B4GALNT3: variants seen among roughly 807,000 people sequenced by gnomAD.
B4GALNT3 encodes beta-1,4-N-acetyl-galactosaminyltransferase 3.
In B4GALNT3, 86 loss-of-function variants were observed where a neutral mutation model predicts 120.2. That is an observed-to-expected ratio of 0.72 (90% CI 0.60 to 0.86). B4GALNT3 has a LOEUF of 0.86. B4GALNT3 is among the 40% of genes least tolerant of loss of function. The pLI, the probability that B4GALNT3 is intolerant of heterozygous loss-of-function variation, is 0.00. For synonymous variants in B4GALNT3, 518 were observed against 510.4 expected, an observed-to-expected ratio of 1.01 and a Z score of -0.20; for missense variants, 1,167 against 1,298.9, an observed-to-expected ratio of 0.90 and a Z score of 1.56.
intron 1 of B4GALNT3, among the ~76,000 whole-genome samples, chr12:469,275 C>T (rs1946111981): frequency 6.6e-6 from 1 of 152,106 alleles, no homozygotes; most frequent in South Asian, 2.1e-4. Context: ...GGTAGTGGAG[C>T]TATAATGCTG....
intron 13 of B4GALNT3, 132 bp from the exon 14 acceptor site, chr12:553,062 G>A (rs980372135): frequency 1.2e-5 from 16 of 1,334,074 alleles, no homozygotes; most frequent in Non-Finnish European, 1.5e-5. Flanking sequence ...CACAGTAAGC[G>A]ATAGAACCTG....
intron 1 of B4GALNT3, among the ~76,000 whole-genome samples, chr12:467,587 A>AT (rs1946094050): frequency 6.6e-6 from 1 of 152,204 alleles, no homozygotes; most frequent in African/African-American, 2.4e-5. Context: ...TAAAATAGGG[A>AT]TAAAAATAAT....
At chr12:474,014 C>T (rs1946160943) in intron 1 of B4GALNT3, among the ~76,000 whole-genome samples, 1 of 152,070 alleles carries the variant, frequency 6.6e-6, no homozygotes. Context: ...ATTACAAAGA[C>T]CTCAGGAATT....
chr12:486,826 C>T (rs1946295264), intron 1 of B4GALNT3, among the ~76,000 whole-genome samples: 1 of 152,266 alleles, frequency 6.6e-6, no homozygotes, highest in Non-Finnish European at 1.5e-5. Context: ...AGGGAAAAAA[C>T]ACATTTTGAA....
intron 1 of B4GALNT3, among the ~76,000 whole-genome samples, chr12:518,904 T>C (rs1946682010): frequency 6.6e-6 from 1 of 152,234 alleles, no homozygotes; most frequent in Non-Finnish European, 1.5e-5. Context: ...CTGCGGGACC[T>C]GTGTATACCA....
chr12:555,909 G>A (rs916827479), intron 14 of B4GALNT3, among the ~76,000 whole-genome samples: 1 of 151,834 alleles, frequency 6.6e-6, no homozygotes, highest in African/African-American at 2.4e-5. Flanking sequence ...TCAGCCTCCT[G>A]AGTAGCTGGA....
chr12:485,948 G>A (rs1297681628), intron 1 of B4GALNT3, among the ~76,000 whole-genome samples: 1 of 152,166 alleles, frequency 6.6e-6, no homozygotes, highest in Admixed American at 6.5e-5. Context: ...ACTTACCAAA[G>A]CAGAAATCCA....
In B4GALNT3 at chr12:553,576, C is replaced by A; in HGVS notation, c.1653C>A (p.Pro551=). 1 of 1,613,972 alleles carries A rather than the reference C, an allele frequency of 6.2e-7. No homozygotes were observed. The highest frequency in any genetic ancestry group is 1.3e-5 in the African/African-American group (1 of 75,078). Residue 551 remains proline (P), a synonymous_variant, in exon 14 of 20, where the codon CCC becomes CCA. Transcript: ENST00000266383. The stretch of plus-strand genomic sequence containing the variant: ...AGATGAGGGGGCCCAGGCCCAGGCC[C>A]GCTGGTGACAGCCCCAGGAAGACTC... The part of the protein sequence containing the change: ...LPQMRGPRPR[P]AGDSPRKTQW...
chr12:514,252 C>T (rs1310426495), intron 1 of B4GALNT3, among the ~76,000 whole-genome samples: 1 of 146,704 alleles, frequency 6.8e-6, no homozygotes, highest in African/African-American at 2.5e-5. Context: ...GGCTGGAGTG[C>T]AGTGGCGCGA....
chr12:461,424 A>C (rs1565584502), intron 1 of B4GALNT3, among the ~76,000 whole-genome samples: 1 of 151,444 alleles, frequency 6.6e-6, no homozygotes, highest in Non-Finnish European at 1.5e-5. Flanking sequence ...GGTGGTTTTC[A>C]ACGTACTGTG....
Position 545,463 on chromosome 12 carries a change from G to A in B4GALNT3, c.633G>A (p.Val211=). The A allele has an allele frequency of 1.9e-6, 3 of 1,602,850 alleles. No homozygotes were observed. Among genetic ancestry groups the A allele is most frequent in the Non-Finnish European group, 2.6e-6 (3 of 1,175,414 alleles). Residue 211 remains valine (V), a synonymous_variant, in exon 6 of 20, where the codon GTG becomes GTA. Transcript: ENST00000266383. ...QVSGLQLLAS[V]GKTGKEWTAP... ...CAGGCCTCCAGCTGCTGGCCAGTGT[G>A]GGCAAGGTAAGGCCAGCTCAACCCC...
At chr12:544,085 T>TGGGGTGCTCATC (rs1367019754) in intron 3 of B4GALNT3, among the ~76,000 whole-genome samples, 1 of 119,456 alleles carries the variant, frequency 8.4e-6, no homozygotes, top group African/African-American at 3.4e-5. Context: ...GGGGCGGGCA[T>TGGGGTGCTCATC]GGGGTGCTCA....
chr12:554,377 A>G (rs1319692328), intron 14 of B4GALNT3, among the ~76,000 whole-genome samples: 4 of 152,250 alleles, frequency 2.6e-5, no homozygotes, highest in South Asian at 2.1e-4. Context: ...GGCGTGATGC[A>G]TGACTGGAGT....
chr12:518,639 A>G (rs56271126), intron 1 of B4GALNT3, among the ~76,000 whole-genome samples: 7,899 of 152,078 alleles, frequency 0.052, 239 homozygotes, highest in African/African-American at 0.075. Context: ...GCTCTAAGCT[A>G]TCCTCCCACC....
At chr12:473,633 C>G in intron 1 of B4GALNT3, among the ~76,000 whole-genome samples, 1 of 152,188 alleles carries the variant, frequency 6.6e-6, no homozygotes, top group Admixed American at 6.5e-5. Context: ...GTACTTTCCT[C>G]TCTGGAGCTT....
At chr12:498,911 C>T (rs764377446) in intron 1 of B4GALNT3, among the ~76,000 whole-genome samples, 1 of 152,120 alleles carries the variant, frequency 6.6e-6, no homozygotes, top group South Asian at 2.1e-4. Flanking sequence ...ATTGCCCTAC[C>T]CTGGAAAGAA....
intron 1 of B4GALNT3, among the ~76,000 whole-genome samples, chr12:510,435 GAC>G (rs1381118816): frequency 8.7e-6 from 1 of 115,296 alleles, no homozygotes; most frequent in Admixed American, 7.9e-5. Flanking sequence ...TGACCTGAGA[GAC>G]ACTCCATGGG....
rs1166389517 is a variant in B4GALNT3 at position 536,075 on chromosome 12, G to A, written c.274-143G>A. 17 of 650,772 alleles carry A rather than the reference G, an allele frequency of 2.6e-5. No individual in the cohort carries two copies. The Middle Eastern group carries it at 1.5e-3, about 56-fold the overall frequency. The allele number at this position is 650,772 out of a possible 1,614,324, so 40.3% of individuals were successfully genotyped here. On this transcript the variant is annotated intron_variant, in intron 2 of 19. Coordinates refer to ENST00000266383, the MANE Select transcript of B4GALNT3 (RefSeq NM_173593.4). ...CAGGCGCTGATGAAACTATGGAGAT[G>A]TATTCCCAGGACATGGTGTGAATGA... is the stretch of plus-strand genomic sequence containing the variant.
intron 1 of B4GALNT3, among the ~76,000 whole-genome samples, chr12:492,327 A>G (rs1946349691): frequency 6.6e-6 from 1 of 152,214 alleles, no homozygotes; most frequent in Non-Finnish European, 1.5e-5. Flanking sequence ...CCAGCAATGA[A>G]CAAGTGGAAT....
Sources: allele counts gnomAD v4.1 joint callset (sites outside exome capture counted in the v4.1 genomes callset), GRCh38; gene constraint gnomAD v4.1.1; transcripts MANE v1.5; gene names NCBI Gene and HGNC (gene_info 2026-07-23, HGNC 2026-07-21).